FER1L6: variants seen among roughly 807,000 people sequenced by gnomAD.
FER1L6 encodes fer-1 like family member 6, also known as fer-1-like protein 6.
A neutral mutation model predicts 219.2 loss-of-function variants in FER1L6; 177 were observed. The observed-to-expected ratio is 0.81, with a 90% confidence interval of 0.71 to 0.91. The LOEUF (loss-of-function observed/expected upper bound fraction) is 0.91, where lower values mean the gene tolerates loss of function less well. FER1L6 is among the 40% of genes least tolerant of loss of function. The pLI, the probability that FER1L6 is intolerant of heterozygous loss-of-function variation, is 0.00. For synonymous variants in FER1L6, 768 were observed against 824.3 expected (o/e 0.93, Z 1.17); for missense variants, 2,153 against 2,259.9 (o/e 0.95, Z 0.96).
chr8:123,957,886 G>A (rs1815090736), intron 2 of FER1L6, among the ~76,000 whole-genome samples: 1 of 152,184 alleles, frequency 6.6e-6, no homozygotes, highest in Admixed American at 6.5e-5. Flanking sequence ...CAGCCCTGTG[G>A]GAGACTGAAA....
At chr8:123,993,267 C>T (rs992623296) in intron 12 of FER1L6, among the ~76,000 whole-genome samples, 1 of 151,452 alleles carries the variant, frequency 6.6e-6, no homozygotes, top group South Asian at 2.1e-4. Flanking sequence ...ACGGTGAAAC[C>T]CCGTCTCTAC....
intron 38 of FER1L6, among the ~76,000 whole-genome samples, chr8:124,102,620 C>A (rs1822591969): frequency 6.6e-6 from 1 of 152,218 alleles, no homozygotes; most frequent in African/African-American, 2.4e-5. Context: ...ATCTCTTACT[C>A]TGCCTTGTGT....
intron 1 of FER1L6, among the ~76,000 whole-genome samples, chr8:123,890,625 A>ATTTTT (rs59914385): frequency 0.015 from 1,367 of 91,416 alleles, 102 homozygotes; most frequent in Non-Finnish European, 0.018. Context: ...TAAAAATTTG[A>ATTTTT]TTTTTTTTTT....
At chr8:123,994,457 A>C (rs1190790811) in intron 12 of FER1L6, among the ~76,000 whole-genome samples, 2 of 152,054 alleles carry the variant, frequency 1.3e-5, no homozygotes, top group African/African-American at 4.8e-5. Flanking sequence ...GGGGGGTAGC[A>C]TGCAGCAGTA....
At chr8:124,084,703 C>G (rs1053089747) in intron 33 of FER1L6, among the ~76,000 whole-genome samples, 1 of 152,044 alleles carries the variant, frequency 6.6e-6, no homozygotes, top group Non-Finnish European at 1.5e-5. Context: ...ACTTTTGCAT[C>G]AGTGTTCATC....
chr8:124,040,132 C>A, intron 20 of FER1L6, 126 bp downstream of exon 20: 2 of 1,298,282 alleles, frequency 1.5e-6, no homozygotes, highest in Non-Finnish European at 1.1e-6. Flanking sequence ...GTAGATGTTT[C>A]AGACTGAAAA....
rs142989235 is a variant in FER1L6 at position 124,065,823 on chromosome 8, G to A, written c.3556-605G>A. On this transcript the variant is annotated intron_variant, in intron 26 of 40. Coordinates refer to ENST00000522917, the MANE Select transcript of FER1L6 (RefSeq NM_001039112.2). ...ATCCATAGGCTCCAGCAGGACACCC[G>A]TCTTCTTCCATGAATGCCACCTTTC... 3.9e-4 allele frequency among the ~76,000 whole-genome samples: 59 copies of A among 152,244 alleles called. 2 individuals are homozygous for A. In the East Asian group the frequency reaches 9.6e-3, roughly 25 times the overall value.
At chr8:124,032,427 AAAAAG>A (rs566288241) in intron 18 of FER1L6, among the ~76,000 whole-genome samples, 122 of 151,546 alleles carry the variant, frequency 8.1e-4, no homozygotes, top group African/African-American at 2.8e-3. Context: ...TGTCTCAAAA[AAAAAG>A]AAAAGAAACA....
intron 35 of FER1L6, among the ~76,000 whole-genome samples, 194 bp downstream of exon 35, chr8:124,095,232 ATCC>A (rs1822229791): frequency 6.6e-6 from 1 of 152,212 alleles, no homozygotes; most frequent in African/African-American, 2.4e-5. Flanking sequence ...TAAATTAAAC[ATCC>A]TAGAAAACAC....
intron 14 of FER1L6, among the ~76,000 whole-genome samples, chr8:124,013,155 G>T (rs1335571890): frequency 6.6e-6 from 1 of 152,106 alleles, no homozygotes; most frequent in Non-Finnish European, 1.5e-5. Flanking sequence ...CTAAATAAAT[G>T]GTACCCATTA....
chr8:124,098,338 A>G (rs1822399218), intron 37 of FER1L6, among the ~76,000 whole-genome samples: 1 of 152,082 alleles, frequency 6.6e-6, no homozygotes, highest in African/African-American at 2.4e-5. Context: ...TATCTCTTTT[A>G]CATCTTGGCT....
intron 6 of FER1L6, among the ~76,000 whole-genome samples, chr8:123,973,218 A>G (rs994352943): frequency 1.3e-5 from 2 of 152,200 alleles, no homozygotes; most frequent in African/African-American, 4.8e-5. Context: ...GCTTGCAGGC[A>G]CTGAGAGTTG....
rs769318501 is a variant in FER1L6, at chr8:124,049,677, C to T, written c.2795C>T (p.Pro932Leu). Residue 932 changes from proline to leucine, a missense_variant, in exon 22 of 41, where the codon CCC (proline) becomes CTC (leucine). By Grantham distance (98) the Pro-to-Leu change is moderately conservative. Transcript: ENST00000522917. ...VVKLADQDYE[P>L]PRLCYHPIFC... ...AAGCTGGCTGACCAGGACTATGAGC[C>T]CCCCAGGTTATGCTATCACCCCATC... The T allele has an allele frequency of 1.9e-6, 3 of 1,613,974 alleles. No individual in the cohort carries two copies. Among genetic ancestry groups the T allele is most frequent in the East Asian group, 2.2e-5 (1 of 44,874 alleles).
At chr8:123,998,979 A>G (rs1469203791) in intron 12 of FER1L6, among the ~76,000 whole-genome samples, 2 of 152,128 alleles carry the variant, frequency 1.3e-5, no homozygotes, top group African/African-American at 2.4e-5. Flanking sequence ...GACCCAAGAC[A>G]GGTCCAGAAA....
rs1321009923 is a variant in FER1L6 at position 124,119,681 on chromosome 8, A to G, written c.5465A>G (p.Lys1822Arg). 36 of 1,613,594 alleles carry G rather than the reference A, an allele frequency of 2.2e-5. No individual in the cohort carries two copies. The highest frequency in any genetic ancestry group is 3.0e-5 in the Non-Finnish European group (35 of 1,179,654). Residue 1822 changes from lysine to arginine, a missense_variant, in exon 41 of 41, where the codon AAA becomes AGA. Lys to Arg is a conservative substitution (Grantham distance 26). Coordinates refer to ENST00000522917, the MANE Select transcript of FER1L6 (RefSeq NM_001039112.2). ...CLYYLIWKNY[K>R]KYIIIAFILI... ...TACTACCTCATCTGGAAGAATTACA[A>G]AAAGTACATCATCATTGCTTTCATT... is the stretch of plus-strand genomic sequence containing the variant.
At chr8:124,058,291 G>A (rs1206543415) in intron 22 of FER1L6, among the ~76,000 whole-genome samples, 1 of 152,154 alleles carries the variant, frequency 6.6e-6, no homozygotes, top group Admixed American at 6.6e-5. Context: ...ACTGAAGCTG[G>A]ACCTACTTTG....
chr8:123,951,945 T>A (rs1814786429), intron 1 of FER1L6, among the ~76,000 whole-genome samples: 1 of 152,142 alleles, frequency 6.6e-6, no homozygotes, highest in Non-Finnish European at 1.5e-5. Context: ...CTGAGCTGCC[T>A]CCATTCTGCA....
In FER1L6 at chr8:124,061,885, C is replaced by T; in HGVS notation, c.3181C>T (p.Leu1061=). 1.2e-6 allele frequency: 2 copies of T among 1,614,054 alleles called. No homozygotes were observed. The highest frequency in any genetic ancestry group is 1.7e-6 in the Non-Finnish European group (2 of 1,180,024). ...LPENELLHPP[L]SICVVDWRAF... is the part of the protein sequence containing the mutation. ...TGAGAACGAGCTTCTGCACCCGCCA[C>T]TGAGCATCTGCGTGGTGGACTGGAG... is the stretch of plus-strand genomic sequence containing the variant. Residue 1061 remains leucine, a synonymous_variant, in exon 25 of 41, where the codon CTG becomes TTG. Transcript: ENST00000522917.
chr8:124,019,313 C>T (rs1818348201), intron 16 of FER1L6, among the ~76,000 whole-genome samples: 1 of 152,102 alleles, frequency 6.6e-6, no homozygotes, highest in African/African-American at 2.4e-5. Flanking sequence ...GAATTCTATT[C>T]ACATTTTAAA....
Sources: gnomAD v4.1 joint callset for allele counts (sites outside exome capture counted in the v4.1 genomes callset) on GRCh38, gnomAD v4.1.1 for gene constraint, MANE v1.5 for transcripts, NCBI Gene and HGNC (gene_info 2026-07-23, HGNC 2026-07-21) for gene names.